ZCCHC14: variants seen among roughly 807,000 people sequenced by gnomAD.
The protein encoded by ZCCHC14 is zinc finger CCHC-type containing 14.
Under a neutral mutation model 85.0 loss-of-function variants are expected in ZCCHC14, and 16 were observed. The observed-to-expected ratio is 0.19, with a 90% CI of 0.13 to 0.29. The LOEUF (loss-of-function observed/expected upper bound fraction) is 0.29. Among genes scored for constraint, ZCCHC14 ranks in the 10% least tolerant of loss-of-function variants. ZCCHC14 has a pLI of 1.00. For synonymous variants in ZCCHC14, 775 were observed against 630.7 expected (o/e 1.23, Z -3.43); for missense variants, 1,303 against 1,443.5 (o/e 0.90, Z 1.58).
At chr16:87,478,496 T>C (rs1457296136) in intron 1 of ZCCHC14, among the ~76,000 whole-genome samples, 4 of 152,072 alleles carry the variant, frequency 2.6e-5, no homozygotes, top group Admixed American at 1.3e-4. Flanking sequence ...CTCCCAGAGG[T>C]GGTGTGCAAG....
At chr16:87,478,679 T>A (rs1912132926) in intron 1 of ZCCHC14, among the ~76,000 whole-genome samples, 1 of 151,994 alleles carries the variant, frequency 6.6e-6, no homozygotes, top group Non-Finnish European at 1.5e-5. Flanking sequence ...CCATCTTGGC[T>A]CACTGCAACC....
Position 87,410,348 on chromosome 16 carries a change from GA to G in ZCCHC14, c.3206-14del, listed in dbSNP as rs758148355. On this transcript the variant is annotated splice_polypyrimidine_tract_variant and intron_variant, in intron 12 of 12. Coordinates refer to ENST00000671377, the MANE Select transcript of ZCCHC14 (RefSeq NM_015144.3). ...AACCTAAAAGTACCTAGAGAGAGGG[GA>G]AAAAAGAGGTCAAATTTGAATGACT... 1 of 771,562 alleles carries G rather than the reference GA, an allele frequency of 1.3e-6. No homozygotes were observed. 47.8% of individuals were successfully genotyped at this position (771,562 alleles called of 1,614,324 possible).
chr16:87,414,522 A>C lies in ZCCHC14; in HGVS notation c.1495T>G (p.Cys499Gly). The part of the protein sequence containing the change: ...ELEKEKSERR[C>G]LNPSAPPLVT... ...AGCGGCGGGGCCGAGGGGTTCAGGC[A>C]CCGTCTCTCTGACTTCTCCCTGTGA... The change falls in exon 10 of 13, where the codon TGC (cysteine) becomes GGC (glycine). Residue 499 changes from cysteine to glycine, a missense_variant. Transcript: ENST00000671377. 2 of 1,612,210 alleles carry C rather than the reference A, an allele frequency of 1.2e-6. No homozygotes were observed. Among genetic ancestry groups the C allele is most frequent in the Non-Finnish European group, 1.7e-6 (2 of 1,179,024 alleles).
rs187494364 is a variant in ZCCHC14 at position 87,417,191 on chromosome 16, C to T, written c.1383+269G>A. Among the ~76,000 whole-genome samples, 628 of 152,232 alleles carry T rather than the reference C, an allele frequency of 4.1e-3. 3 individuals are homozygous for T. The highest frequency in any genetic ancestry group is 6.9e-3 in the Non-Finnish European group (467 of 68,020). ...TCTGTCCACAGCAGGGCTCTGGGGACGGACTGTCCCTCCCGTCACGCAGAG... is the reference window on the plus strand; with the variant it reads ...TCTGTCCACAGCAGGGCTCTGGGGATGGACTGTCCCTCCCGTCACGCAGAG... On this transcript the variant is annotated intron_variant, in intron 8 of 12. Coordinates refer to ENST00000671377, the MANE Select transcript of ZCCHC14 (RefSeq NM_015144.3).
At chr16:87,430,544 T>C (rs1909602540) in intron 3 of ZCCHC14, among the ~76,000 whole-genome samples, 1 of 151,296 alleles carries the variant, frequency 6.6e-6, no homozygotes, top group Admixed American at 6.6e-5. Flanking sequence ...TTTTTTGAGA[T>C]GCAGTCTCGC....
intron 1 of ZCCHC14, among the ~76,000 whole-genome samples, chr16:87,478,515 G>C (rs886862183): frequency 6.6e-6 from 1 of 152,016 alleles, no homozygotes; most frequent in African/African-American, 2.4e-5. Context: ...AGTTCTGTGA[G>C]TATCTATTTG....
Position 87,412,442 on chromosome 16 carries a change from G to C in ZCCHC14, c.2279C>G (p.Thr760Arg). The C allele has an allele frequency of 6.2e-7, 1 of 1,613,962 alleles. No homozygotes were observed. The highest frequency in any genetic ancestry group is 8.5e-7 in the Non-Finnish European group (1 of 1,179,976). The change falls in exon 12 of 13, where the codon ACG becomes AGG. Residue 760 changes from threonine (T) to arginine (R), a missense_variant. Around this residue, in one of 7 missense-constraint regions of ZCCHC14, gnomAD observed 797 missense variants for 730.8 expected, o/e 1.09. Transcript: ENST00000671377. ...ALVVETSTAA[T>R]GTPSTVLHAA... is the part of the protein sequence containing the mutation. ...GTGGAGGACTGTGCTGGGCGTCCCC[G>C]TGGCGGCCGTGCTGGTCTCCACGAC...
intron 6 of ZCCHC14, among the ~76,000 whole-genome samples, chr16:87,419,386 C>T (rs1294908112): frequency 2.0e-5 from 3 of 151,078 alleles, no homozygotes; most frequent in Non-Finnish European, 4.4e-5. Flanking sequence ...CTGCAACCAC[C>T]GCCTCCCGGG....
chr16:87,459,116 C>T (rs1911125578), intron 2 of ZCCHC14, among the ~76,000 whole-genome samples: 1 of 152,190 alleles, frequency 6.6e-6, no homozygotes, highest in Non-Finnish European at 1.5e-5. Context: ...CGCCTCACTA[C>T]CCACGCTGAG....
intron 1 of ZCCHC14, among the ~76,000 whole-genome samples, chr16:87,490,525 T>C (rs1912705550): frequency 6.6e-6 from 1 of 152,222 alleles, no homozygotes; most frequent in Non-Finnish European, 1.5e-5. Context: ...CTTTGCGTTT[T>C]CAGTTCTGAA....
Position 87,492,598 on chromosome 16 carries a change from C to CTCG in ZCCHC14, c.-363_-361dup, listed in dbSNP as rs998922540. On this transcript the variant is annotated 5_prime_UTR_variant, in exon 1 of 13. Transcript: ENST00000671377. The surrounding 1 kb of genome is among the most constrained non-coding windows in gnomAD (Gnocchi z 6.7). ...TGCGCGGCGGCGGCGGCGGCTGCTC[C>CTCG]TCGTCGTCGTCGTCGTCGTCGCCCG... 1.6e-4 allele frequency: 24 copies of CTCG among 147,142 alleles called. No homozygotes were observed. The highest frequency in any genetic ancestry group is 7.4e-4 in the South Asian group (4 of 5,408). The allele number at this position is 147,142 out of a possible 1,614,324, so 9.1% of individuals were successfully genotyped here.
intron 2 of ZCCHC14, among the ~76,000 whole-genome samples, 156 bp from the exon 3 acceptor site, chr16:87,433,357 G>A (rs1368833086): frequency 6.6e-6 from 1 of 152,214 alleles, no homozygotes; most frequent in Non-Finnish European, 1.5e-5. Context: ...CCAGAGCCCA[G>A]AGAGGAAGGC....
At chr16:87,463,395 A>G (rs1287156463) in intron 1 of ZCCHC14, among the ~76,000 whole-genome samples, 1 of 152,170 alleles carries the variant, frequency 6.6e-6, no homozygotes, top group African/African-American at 2.4e-5. Context: ...AACAAAAGAA[A>G]TATAACCACA....
chr16:87,481,186 G>A (rs1377066912), intron 1 of ZCCHC14, among the ~76,000 whole-genome samples: 3 of 152,132 alleles, frequency 2.0e-5, no homozygotes, highest in Non-Finnish European at 4.4e-5. Flanking sequence ...TGTTAATGAG[G>A]CTAGACCTAG....
rs1303998744 is a variant in ZCCHC14 at position 87,492,898 on chromosome 16, G to A, written c.-660C>T. On this transcript the variant is annotated 5_prime_UTR_variant, in exon 1 of 13. Coordinates refer to ENST00000671377, the MANE Select transcript of ZCCHC14 (RefSeq NM_015144.3). The surrounding 1 kb of genome is among the most constrained non-coding windows in gnomAD (Gnocchi z 6.7). The stretch of plus-strand genomic sequence containing the variant: ...CTGCTCCCGCGCGGCGGACGGATCC[G>A]GGCCCGAGCGCGGCGGCGGCGGCGA... Among the ~76,000 whole-genome samples, 2 of 148,550 alleles carry A rather than the reference G, an allele frequency of 1.3e-5. No individual in the cohort carries two copies. The highest frequency in any genetic ancestry group is 1.3e-4 in the Admixed American group (2 of 14,994).
chr16:87,482,708 C>T (rs1287146138), intron 1 of ZCCHC14, among the ~76,000 whole-genome samples: 1 of 152,090 alleles, frequency 6.6e-6, no homozygotes, highest in South Asian at 2.1e-4. Flanking sequence ...TGGGAGTAAA[C>T]GAGAGACAGC....
rs56379834 is a variant in ZCCHC14 at position 87,486,347 on chromosome 16, T to C, written c.570+5322A>G. 6.0e-3 allele frequency among the ~76,000 whole-genome samples: 918 copies of C among 152,324 alleles called. 11 individuals are homozygous for C. The highest frequency in any genetic ancestry group is 0.021 in the African/African-American group (869 of 41,566). ...TAATAATGCATTTTTACTGTACCTA[T>C]TCTGTGTTTAGATACACAAATACCA... On this transcript the variant is annotated intron_variant, in intron 1 of 12. Coordinates refer to ENST00000671377, the MANE Select transcript of ZCCHC14 (RefSeq NM_015144.3).
At chr16:87,485,351 G>C (rs1023650739) in intron 1 of ZCCHC14, among the ~76,000 whole-genome samples, 7 of 152,196 alleles carry the variant, frequency 4.6e-5, no homozygotes, top group African/African-American at 1.7e-4. Context: ...AGTTCTGGAT[G>C]ATCTCTTTTT....
Position 87,420,600 on chromosome 16 carries a change from G to A in ZCCHC14, c.950+7C>T. On this transcript the variant is annotated splice_region_variant and intron_variant, in intron 5 of 12. Coordinates refer to ENST00000671377, the MANE Select transcript of ZCCHC14 (RefSeq NM_015144.3). The surrounding 1 kb of genome is among the most constrained non-coding windows in gnomAD (Gnocchi z 5.0). ...TGGACGCGCCGGGTGCCTGGTAAGG[G>A]CCTCACCTCAGGCCTGAGTCCAGAT... 6.2e-7 allele frequency: 1 copy of A among 1,610,070 alleles called. No homozygotes were observed.
Sources: allele counts gnomAD v4.1 joint callset (sites outside exome capture counted in the v4.1 genomes callset), GRCh38; gene constraint gnomAD v4.1.1; regional missense constraint gnomAD v4.1.1; non-coding constraint Gnocchi (gnomAD v3.1); transcripts MANE v1.5; gene names NCBI Gene and HGNC (gene_info 2026-07-23, HGNC 2026-07-21).